BNC2: variants seen among roughly 807,000 people sequenced by gnomAD.
BNC2 encodes basonuclin zinc finger protein 2, also known as zinc finger protein basonuclin-2.
Under a neutral mutation model 76.3 loss-of-function variants are expected in BNC2, and 20 were observed. That is an observed-to-expected ratio of 0.26 (90% CI 0.18 to 0.38). BNC2 has a LOEUF of 0.38. Among genes scored for constraint, BNC2 ranks in the 10% least tolerant of loss-of-function variants. The probability of loss-of-function intolerance (pLI) is 1.00; values close to 1 mark genes in which losing one functional copy is unlikely to be tolerated. For synonymous variants in BNC2, 582 were observed against 514.8 expected (o/e 1.13, Z -1.77); for missense variants, 1,382 against 1,399.8 (o/e 0.99, Z 0.20).
chr9:16,750,831 T>C (rs1825169748), intron 1 of BNC2, among the ~76,000 whole-genome samples: 1 of 152,256 alleles, frequency 6.6e-6, no homozygotes, highest in African/African-American at 2.4e-5. Flanking sequence ...TTCAGAAATG[T>C]TGAAAAATTT....
At position 16,455,317 on chromosome 9, in the gene BNC2, G is replaced by C. The variant is rs568299038; in HGVS notation, c.670-17793C>G. On this transcript the variant is annotated intron_variant, in intron 5 of 6. Coordinates refer to ENST00000380672, the MANE Select transcript of BNC2 (RefSeq NM_017637.6). ...CAGAAGACTTGGTAAGACTAAAATG[G>C]CCAAGAGAAAATAAACACATAGATA... Among the ~76,000 whole-genome samples, 12 of 152,282 alleles carry C rather than the reference G, an allele frequency of 7.9e-5. No homozygotes were observed. In the South Asian group the frequency reaches 2.5e-3, roughly 32 times the overall value.
chr9:16,656,428 T>G (rs994102837), intron 3 of BNC2, among the ~76,000 whole-genome samples: 4 of 151,986 alleles, frequency 2.6e-5, no homozygotes, highest in Admixed American at 6.6e-5. Context: ...ACAGTACCAG[T>G]AGGAGAAACA....
intron 1 of BNC2, among the ~76,000 whole-genome samples, chr9:16,790,644 G>C (rs1817479673): frequency 6.6e-6 from 1 of 152,044 alleles, no homozygotes; most frequent in African/African-American, 2.4e-5. Flanking sequence ...ATCTGTGAGA[G>C]TTCCTCTCAT....
At chr9:16,572,168 CT>C (rs944657558) in intron 4 of BNC2, among the ~76,000 whole-genome samples, 1 of 152,108 alleles carries the variant, frequency 6.6e-6, no homozygotes, top group African/African-American at 2.4e-5. Flanking sequence ...ATCTTATCTT[CT>C]GAATAAAACA....
At chr9:16,633,096 G>A (rs1033057756) in intron 3 of BNC2, among the ~76,000 whole-genome samples, 18 of 152,178 alleles carry the variant, frequency 1.2e-4, no homozygotes, top group African/African-American at 3.6e-4. Flanking sequence ...TGTTTTAGAT[G>A]AGCCACCTGT....
intron 1 of BNC2, among the ~76,000 whole-genome samples, chr9:16,838,243 T>C (rs1437147641): frequency 6.6e-6 from 1 of 152,180 alleles, no homozygotes; most frequent in African/African-American, 2.4e-5. Context: ...AGTTTAATTC[T>C]AGATAGACTT....
intron 5 of BNC2, among the ~76,000 whole-genome samples, chr9:16,441,098 G>C (rs1821119515): frequency 6.6e-6 from 1 of 152,156 alleles, no homozygotes; most frequent in Admixed American, 6.5e-5. Context: ...GGCCAAGGTG[G>C]AAGATGGCTT....
intron 3 of BNC2, among the ~76,000 whole-genome samples, chr9:16,659,337 C>T (rs1587283567): frequency 6.6e-6 from 1 of 152,160 alleles, no homozygotes; most frequent in Admixed American, 6.5e-5. Context: ...TTGCGGCGGG[C>T]ACAGTGGCTC....
intron 1 of BNC2, among the ~76,000 whole-genome samples, chr9:16,757,870 TAG>T (rs1825433131): frequency 6.6e-6 from 1 of 152,224 alleles, no homozygotes. Context: ...TTACAGTATT[TAG>T]AGAGTTTGGT....
At position 16,664,916 on chromosome 9, in the gene BNC2, T is replaced by A. The variant is rs1822224595; in HGVS notation, c.330+62881A>T. ...TGCCTACACCCTGCCTATTCTTAGA[T>A]TCAGAATATAGTGAATCTTAAATTC... is the stretch of plus-strand genomic sequence containing the variant. On this transcript the variant is annotated intron_variant, in intron 3 of 6. Transcript: ENST00000380672. 1.0e-5 allele frequency: 3 copies of A among 294,664 alleles called. No homozygotes were observed. The Admixed American group carries it at 1.3e-4, about 13-fold the overall frequency. 18.3% of individuals were successfully genotyped at this position (294,664 alleles called of 1,614,324 possible).
chr9:16,419,344 G>A lies in BNC2; in HGVS notation c.2945C>T (p.Ala982Val). 8 of 1,611,294 alleles carry A rather than the reference G, an allele frequency of 5.0e-6. No homozygotes were observed. Among genetic ancestry groups the A allele is most frequent in the Non-Finnish European group, 5.9e-6 (7 of 1,178,090 alleles). Residue 982 changes from alanine (A) to valine (V), a missense_variant, in exon 7 of 7, where the codon GCA (alanine) becomes GTA (valine). By Grantham distance (64) the Ala-to-Val change is moderately conservative (BLOSUM62 0). Coordinates refer to ENST00000380672, the MANE Select transcript of BNC2 (RefSeq NM_017637.6). ...SSIHSSRESD[A>V]GSDEGILLDD... ...GAGAAGAATCCCCTCATCGCTGCCT[G>A]CGTCGGATTCTCTGGAGGAATGGAT...
intron 5 of BNC2, among the ~76,000 whole-genome samples, chr9:16,480,550 C>A (rs569752400): frequency 1.2e-4 from 19 of 152,252 alleles, no homozygotes; most frequent in African/African-American, 4.1e-4. Context: ...GCGGCGCTTG[C>A]GGGCCAGCTG....
At chr9:16,429,354 G>A (rs921236442) in intron 6 of BNC2, 2 of 152,750 alleles carry the variant, frequency 1.3e-5, no homozygotes, top group Non-Finnish European at 2.9e-5. Context: ...ACCCTCTTCT[G>A]GGTAGAAACC....
At chr9:16,676,136 CA>C (rs1199441120) in intron 3 of BNC2, among the ~76,000 whole-genome samples, 1 of 152,106 alleles carries the variant, frequency 6.6e-6, no homozygotes, top group African/African-American at 2.4e-5. Context: ...ATTGAAAACA[CA>C]AATTGAGATT....
intron 1 of BNC2, among the ~76,000 whole-genome samples, chr9:16,791,171 C>T (rs1453345214): frequency 6.6e-6 from 1 of 152,082 alleles, no homozygotes; most frequent in Non-Finnish European, 1.5e-5. Flanking sequence ...ACACCATTCT[C>T]CTGCCTCAGC....
intron 3 of BNC2, among the ~76,000 whole-genome samples, chr9:16,717,402 A>T (rs1339746279): frequency 6.6e-6 from 1 of 152,186 alleles, no homozygotes; most frequent in Non-Finnish European, 1.5e-5. Context: ...AAAAAACAAA[A>T]ATTAAAACAA....
chr9:16,723,624 G>A (rs776099075), intron 3 of BNC2, among the ~76,000 whole-genome samples: 1 of 151,938 alleles, frequency 6.6e-6, no homozygotes, highest in Non-Finnish European at 1.5e-5. Context: ...TGTTTTAAAT[G>A]GATTCTAGCA....
At chr9:16,665,461 A>G (rs935956649) in intron 3 of BNC2, among the ~76,000 whole-genome samples, 1 of 144,832 alleles carries the variant, frequency 6.9e-6, no homozygotes, top group South Asian at 2.2e-4. Flanking sequence ...AAAGAAAGAA[A>G]GAAAGAAAGA....
chr9:16,490,193 A>C (rs1822245535), intron 5 of BNC2, among the ~76,000 whole-genome samples: 2 of 152,164 alleles, frequency 1.3e-5, no homozygotes, highest in South Asian at 2.1e-4. Flanking sequence ...AAAAGGTTTA[A>C]TTGGACTTAC....
Sources: gnomAD v4.1 joint callset for allele counts (sites outside exome capture counted in the v4.1 genomes callset) on GRCh38, gnomAD v4.1.1 for gene constraint, MANE v1.5 for transcripts, NCBI Gene and HGNC (gene_info 2026-07-23, HGNC 2026-07-21) for gene names.